GFOD1: variants seen among roughly 807,000 people sequenced by gnomAD.
The protein encoded by GFOD1 is Gfo/Idh/MocA-like oxidoreductase domain containing 1, also known as glucose-fructose oxidoreductase domain-containing protein 1.
Under a neutral mutation model 25.4 loss-of-function variants are expected in GFOD1, and 9 were observed. The observed-to-expected ratio is 0.35, with a 90% confidence interval of 0.21 to 0.62. The LOEUF is 0.62. Ranked by LOEUF, GFOD1 falls within the 20% of genes least tolerant of loss-of-function variation. The probability of loss-of-function intolerance (pLI) is 0.72; values close to 1 mark genes in which losing one functional copy is unlikely to be tolerated. For synonymous variants in GFOD1, 253 were observed against 245.6 expected, an observed-to-expected ratio of 1.03 and a Z score of -0.28; for missense variants, 403 against 556.9, an observed-to-expected ratio of 0.72 and a Z score of 2.78.
intron 1 of GFOD1, among the ~76,000 whole-genome samples, chr6:13,418,615 A>C (rs1219915437): frequency 2.0e-5 from 3 of 152,216 alleles, no homozygotes; most frequent in African/African-American, 7.2e-5. Flanking sequence ...AATCACCCGA[A>C]GCCCAGAGTA....
chr6:13,395,632 T>C (rs1196684216), intron 1 of GFOD1, among the ~76,000 whole-genome samples: 1 of 152,168 alleles, frequency 6.6e-6, no homozygotes, highest in Non-Finnish European at 1.5e-5. Context: ...TCCTGATGGA[T>C]CAAATAAAGA....
intron 1 of GFOD1, among the ~76,000 whole-genome samples, chr6:13,482,684 G>T (rs1018119486): frequency 3.9e-5 from 6 of 152,144 alleles, no homozygotes; most frequent in Admixed American, 1.3e-4. Context: ...GGAGGTGGAG[G>T]TTGCAGTGAG....
chr6:13,464,374 C>G (rs946215703), intron 1 of GFOD1, among the ~76,000 whole-genome samples: 17 of 152,336 alleles, frequency 1.1e-4, no homozygotes, highest in African/African-American at 3.8e-4. Context: ...AAGTCCTGCC[C>G]TTCTATCCTT....
At chr6:13,392,496 A>G (rs1785634982) in intron 1 of GFOD1, among the ~76,000 whole-genome samples, 1 of 152,158 alleles carries the variant, frequency 6.6e-6, no homozygotes, top group Non-Finnish European at 1.5e-5. Flanking sequence ...ACTGGTTGGC[A>G]GTATTGAAAA....
intron 1 of GFOD1, chr6:13,470,134 T>G: frequency 6.7e-7 from 1 of 1,486,604 alleles, no homozygotes; most frequent in Non-Finnish European, 9.1e-7. Flanking sequence ...GAAAATCCTG[T>G]TGGTGAATGT....
At chr6:13,464,497 G>A (rs898362636) in intron 1 of GFOD1, among the ~76,000 whole-genome samples, 1 of 152,132 alleles carries the variant, frequency 6.6e-6, no homozygotes, top group Non-Finnish European at 1.5e-5. Context: ...TTAGAGGTCA[G>A]AAGAAACTGA....
intron 1 of GFOD1, among the ~76,000 whole-genome samples, chr6:13,371,049 ACT>A (rs1785141176): frequency 6.6e-6 from 1 of 151,872 alleles, no homozygotes; most frequent in Admixed American, 6.6e-5. Context: ...AGAGAAAAGC[ACT>A]CTCTCCCATT....
At chr6:13,477,109 G>A (rs1417737634) in intron 1 of GFOD1, among the ~76,000 whole-genome samples, 1 of 152,034 alleles carries the variant, frequency 6.6e-6, no homozygotes. Flanking sequence ...TTTCTCCACC[G>A]ACGCGTCTTC....
At chr6:13,434,290 G>A (rs535725228) in intron 1 of GFOD1, among the ~76,000 whole-genome samples, 3 of 144,074 alleles carry the variant, frequency 2.1e-5, no homozygotes, top group Non-Finnish European at 3.1e-5. Flanking sequence ...GTCAAGTGCA[G>A]GGCTTTATGG....
chr6:13,405,556 C>A (rs1316779513), intron 1 of GFOD1, among the ~76,000 whole-genome samples: 1 of 151,950 alleles, frequency 6.6e-6, no homozygotes, highest in Non-Finnish European at 1.5e-5. Flanking sequence ...ATTGAGATGA[C>A]CAGTTATAAA....
intron 1 of GFOD1, among the ~76,000 whole-genome samples, chr6:13,384,653 G>A (rs1409165870): frequency 2.0e-5 from 3 of 152,206 alleles, no homozygotes; most frequent in Non-Finnish European, 2.9e-5. Flanking sequence ...GCAGCACAGC[G>A]AGGTTTGAGT....
intron 1 of GFOD1, among the ~76,000 whole-genome samples, chr6:13,418,865 A>C (rs1584640207): frequency 6.6e-6 from 1 of 152,228 alleles, no homozygotes; most frequent in East Asian, 1.9e-4. Context: ...CCTTCCTGCC[A>C]CACTGGGAAA....
In GFOD1 at chr6:13,359,427, G is replaced by A. The variant is rs1481293145; in HGVS notation, c.*5316C>T. ...GTGGTGGAGCAGTAGGCGGTGTCAA[G>A]GCTAGATTTGTATTAATATCTAGGA... On this transcript the variant is annotated 3_prime_UTR_variant, in exon 2 of 2. Coordinates refer to ENST00000379287, the MANE Select transcript of GFOD1 (RefSeq NM_018988.4). 6.6e-6 allele frequency: 1 copy of A among 152,226 alleles called. No homozygotes were observed. The highest frequency in any genetic ancestry group is 2.4e-5 in the African/African-American group (1 of 41,444). 9.4% of individuals were successfully genotyped at this position (152,226 alleles called of 1,614,324 possible).
At chr6:13,369,518 C>T (rs1785107963) in intron 1 of GFOD1, among the ~76,000 whole-genome samples, 1 of 152,072 alleles carries the variant, frequency 6.6e-6, no homozygotes, top group African/African-American at 2.4e-5. Flanking sequence ...TAAAAAAAGC[C>T]AGGCGTGGTG....
intron 1 of GFOD1, among the ~76,000 whole-genome samples, chr6:13,427,565 C>T (rs914945416): frequency 1.3e-5 from 2 of 152,062 alleles, no homozygotes; most frequent in African/African-American, 2.4e-5. Context: ...GCAGGAGGAT[C>T]GCGTGAGCCC....
chr6:13,422,049 GGGTT>G (rs1786266385), intron 1 of GFOD1, among the ~76,000 whole-genome samples: 2 of 152,038 alleles, frequency 1.3e-5, no homozygotes, highest in Admixed American at 1.3e-4. Context: ...GAAAAACTAG[GGGTT>G]GGTTGGGTCC....
rs540262091 is a variant in GFOD1, at chr6:13,448,367, G to A, written c.253+38271C>T. Among the ~76,000 whole-genome samples the A allele has an allele frequency of 2.0e-5, 3 of 152,292 alleles. No homozygotes were observed. In the South Asian group the frequency reaches 6.2e-4, roughly 32 times the overall value. On this transcript the variant is annotated intron_variant, in intron 1 of 1. Coordinates refer to ENST00000379287, the MANE Select transcript of GFOD1 (RefSeq NM_018988.4). ...TGCCCTCTCATGCAGCCCATGGGAT[G>A]TTCTGGAAGGGAGCCCCTCCTCCCA... is the stretch of plus-strand genomic sequence containing the variant.
In GFOD1 at chr6:13,469,394, A is replaced by G. The variant is rs762540577; in HGVS notation, c.253+17244T>C. On this transcript the variant is annotated intron_variant, in intron 1 of 1. Coordinates refer to ENST00000379287, the MANE Select transcript of GFOD1 (RefSeq NM_018988.4). ...AATTTTTTAACATCCTGTGGGATAC[A>G]TGCAGTCCCCAGGCTATTGTCTCCT... 26 of 985,418 alleles carry G rather than the reference A, an allele frequency of 2.6e-5. No homozygotes were observed. In the South Asian group the frequency reaches 1.1e-3, roughly 41 times the overall value. The allele number at this position is 985,418 out of a possible 1,614,324, so 61.0% of individuals were successfully genotyped here.
intron 1 of GFOD1, among the ~76,000 whole-genome samples, chr6:13,375,977 A>G (rs1785247492): frequency 6.6e-6 from 1 of 152,244 alleles, no homozygotes; most frequent in African/African-American, 2.4e-5. Context: ...TTGGGGAGTC[A>G]CTAGCCAGCT....
Sources: allele counts gnomAD v4.1 joint callset (sites outside exome capture counted in the v4.1 genomes callset), GRCh38; gene constraint gnomAD v4.1.1; transcripts MANE v1.5; gene names NCBI Gene and HGNC (gene_info 2026-07-23, HGNC 2026-07-21).